WWTR1: variants seen among roughly 807,000 people sequenced by gnomAD.
WWTR1 encodes WW domain containing transcription regulator 1.
A neutral mutation model predicts 40.1 loss-of-function variants in WWTR1; 13 were observed. The ratio of observed to expected loss-of-function variants is 0.32; its 90% CI spans 0.21 to 0.52. WWTR1 has a LOEUF of 0.52. WWTR1 is among the 20% of genes least tolerant of loss of function. The probability of loss-of-function intolerance (pLI) is 0.97; values close to 1 mark genes in which losing one functional copy is unlikely to be tolerated. For missense variants in WWTR1, 436 were observed against 523.1 expected (o/e 0.83, Z 1.63); for synonymous variants, 230 against 210.1 (o/e 1.09, Z -0.82).
At chr3:149,626,312 G>C (rs941228867) in intron 2 of WWTR1, among the ~76,000 whole-genome samples, 1 of 152,188 alleles carries the variant, frequency 6.6e-6, no homozygotes, top group Non-Finnish European at 1.5e-5. Context: ...CCAGCATACA[G>C]TAATGCAACA....
chr3:149,664,879 G>A lies in WWTR1; in HGVS notation c.-4+4909C>T, dbSNP rs535451970. On this transcript the variant is annotated intron_variant, in intron 2 of 7. Coordinates refer to the WWTR1 transcript ENST00000465804. Reference sequence around the variant, plus strand: ...GCTGGGATTATAGGAGTGAACCACCGCGCCCGGCCAGAAGGCACTATCTTT... The same window carrying A: ...GCTGGGATTATAGGAGTGAACCACCACGCCCGGCCAGAAGGCACTATCTTT... 7.2e-5 allele frequency among the ~76,000 whole-genome samples: 11 copies of A among 152,046 alleles called. No individual in the cohort carries two copies. The East Asian group carries it at 2.1e-3, about 30-fold the overall frequency.
intron 1 of WWTR1, chr3:149,701,682 T>C (rs941319571): frequency 8.0e-5 from 14 of 175,714 alleles, no homozygotes; most frequent in Non-Finnish European, 1.2e-5. Flanking sequence ...GGGTGGTTCA[T>C]GGGGTTTTTT....
At chr3:149,632,663 CAAAT>C (rs1247227309) in intron 2 of WWTR1, among the ~76,000 whole-genome samples, 1 of 152,172 alleles carries the variant, frequency 6.6e-6, no homozygotes, top group Non-Finnish European at 1.5e-5. Context: ...AGTCCACCAA[CAAAT>C]GAATGGATAA....
intron 4 of WWTR1, among the ~76,000 whole-genome samples, chr3:149,535,919 A>G (rs1226565520): frequency 2.6e-5 from 4 of 152,288 alleles, no homozygotes; most frequent in African/African-American, 9.6e-5. Flanking sequence ...AGGCTGAGGC[A>G]TGAGAATCAC....
chr3:149,703,222 T>A (rs917783570), exon 1 of WWTR1: 11 of 152,282 alleles, frequency 7.2e-5, no homozygotes, highest in African/African-American at 2.7e-4. Context: ...CTGAAATGAG[T>A]CAATATAAGG....
rs925359436 is a variant in WWTR1 at position 149,519,552 on chromosome 3, G to C, written c.*1253C>G. The C allele has an allele frequency of 5.3e-5, 8 of 152,196 alleles. No homozygotes were observed. The highest frequency in any genetic ancestry group is 1.2e-4 in the Non-Finnish European group (8 of 68,030). 9.4% of individuals were successfully genotyped at this position (152,196 alleles called of 1,614,324 possible). ...AATCTATGTTGTCCTGATGTTTTCA[G>C]AGTTATTTCAAAAGACAAAAATACA... On this transcript the variant is annotated 3_prime_UTR_variant, in exon 7 of 7. Coordinates refer to ENST00000360632, the MANE Select transcript of WWTR1 (RefSeq NM_015472.6).
chr3:149,527,651 T>G (rs1342054579), intron 5 of WWTR1, among the ~76,000 whole-genome samples, 185 bp downstream of exon 5: 1 of 152,154 alleles, frequency 6.6e-6, no homozygotes. Flanking sequence ...ATTTGGAAAT[T>G]TTTTAACAGG....
chr3:149,632,193 G>T (rs576783219), intron 2 of WWTR1, among the ~76,000 whole-genome samples: 1 of 152,158 alleles, frequency 6.6e-6, no homozygotes, highest in Non-Finnish European at 1.5e-5. Flanking sequence ...GATTACGGGC[G>T]TGAGAGTACT....
chr3:149,581,540 A>G (rs928000064), intron 2 of WWTR1, among the ~76,000 whole-genome samples: 3 of 152,294 alleles, frequency 2.0e-5, no homozygotes, highest in African/African-American at 7.2e-5. Flanking sequence ...TGATATATAA[A>G]TAGGGGATTT....
intron 5 of WWTR1, among the ~76,000 whole-genome samples, chr3:149,716,567 T>C (rs1248576723): frequency 6.6e-6 from 1 of 152,108 alleles, no homozygotes; most frequent in East Asian, 1.9e-4. Context: ...AAAATAAAAA[T>C]ATTCTTATCT....
chr3:149,668,613 A>AAAAAAAAAAAAAAAC (rs548038608), intron 2 of WWTR1, among the ~76,000 whole-genome samples: 3 of 147,518 alleles, frequency 2.0e-5, no homozygotes, highest in Non-Finnish European at 3.0e-5. Flanking sequence ...GTCTCAAAAA[A>AAAAAAAAAAAAAAAC]AACAACAAAA....
At chr3:149,715,093 C>T (rs573905718) in intron 5 of WWTR1, among the ~76,000 whole-genome samples, 2 of 152,298 alleles carry the variant, frequency 1.3e-5, no homozygotes, top group Non-Finnish European at 2.9e-5. Context: ...AGCTCCTCTT[C>T]GCCTTGCTCA....
intron 2 of WWTR1, among the ~76,000 whole-genome samples, chr3:149,629,889 C>T (rs1711505923): frequency 6.6e-6 from 1 of 152,182 alleles, no homozygotes; most frequent in Admixed American, 6.5e-5. Flanking sequence ...CTCTGTCACC[C>T]AGGCTGGAGT....
At chr3:149,701,489 C>T (rs2108223972) in intron 1 of WWTR1, 1 of 183,678 alleles carries the variant, frequency 5.4e-6, no homozygotes, top group Admixed American at 6.2e-5. Flanking sequence ...ACTTTCTAGT[C>T]CTGCTGATCC....
chr3:149,693,842 T>C (rs1166710530), intron 1 of WWTR1, among the ~76,000 whole-genome samples: 1 of 152,204 alleles, frequency 6.6e-6, no homozygotes, highest in African/African-American at 2.4e-5. Flanking sequence ...AAATATCTTG[T>C]ATTTTGTATA....
intron 2 of WWTR1, among the ~76,000 whole-genome samples, chr3:149,588,856 C>G (rs112223095): frequency 6.6e-6 from 1 of 151,322 alleles, no homozygotes; most frequent in Non-Finnish European, 1.5e-5. Context: ...AAAATCTTGT[C>G]TCTGCCTTAA....
chr3:149,611,113 C>G (rs981495437), intron 2 of WWTR1, among the ~76,000 whole-genome samples: 3 of 152,074 alleles, frequency 2.0e-5, no homozygotes, highest in South Asian at 2.1e-4. Flanking sequence ...ATGATTGCAC[C>G]ACTGCTCCAG....
At chr3:149,603,991 A>G (rs1739375456) in intron 2 of WWTR1, among the ~76,000 whole-genome samples, 1 of 150,934 alleles carries the variant, frequency 6.6e-6, no homozygotes, top group African/African-American at 2.4e-5. Context: ...ACAGATAATT[A>G]GAAAGACTGA....
At chr3:149,719,174 T>C (rs1250057806) in intron 4 of WWTR1, among the ~76,000 whole-genome samples, 2 of 150,708 alleles carry the variant, frequency 1.3e-5, no homozygotes, top group African/African-American at 4.9e-5. Context: ...TTCTTTTTTT[T>C]TTTTTCTTTT....
Sources: gnomAD v4.1 joint callset for allele counts (sites outside exome capture counted in the v4.1 genomes callset) on GRCh38, gnomAD v4.1.1 for gene constraint, MANE v1.5 for transcripts, NCBI Gene and HGNC (gene_info 2026-07-23, HGNC 2026-07-21) for gene names.